Variants in AGTPBP1 observed in about 807,000 individuals in gnomAD.
AGTPBP1 encodes cytosolic carboxypeptidase 1.
Under a neutral mutation model 143.9 loss-of-function variants are expected in AGTPBP1, and 70 were observed. The ratio of observed to expected loss-of-function variants is 0.49; its 90% CI spans 0.40 to 0.59. The LOEUF (loss-of-function observed/expected upper bound fraction) is 0.59. AGTPBP1 is among the 20% of genes least tolerant of loss of function. The pLI is 0.00. For missense variants in AGTPBP1, 1,229 were observed against 1,464.5 expected (o/e 0.84, Z 2.62); for synonymous variants, 463 against 500.2 (o/e 0.93, Z 0.99).
chr9:85,627,518 AG>A (rs1831379495), intron 14 of AGTPBP1, among the ~76,000 whole-genome samples: 1 of 151,754 alleles, frequency 6.6e-6, no homozygotes, highest in Non-Finnish European at 1.5e-5. Flanking sequence ...GGGAGAGTGG[AG>A]GCTTTGGAGT....
chr9:85,776,752 T>C, the AGTPBP1 span, among the ~76,000 whole-genome samples: 1 of 152,116 alleles, frequency 6.6e-6, no homozygotes, highest in Non-Finnish European at 1.5e-5. Context: ...GTGTCTCCTG[T>C]TGGCAGTGTT....
At chr9:85,736,871 C>T (rs894139388) in intron 1 of AGTPBP1, among the ~76,000 whole-genome samples, 1 of 152,232 alleles carries the variant, frequency 6.6e-6, no homozygotes, top group Non-Finnish European at 1.5e-5. Flanking sequence ...CTTTGGGAGG[C>T]GGACACAGGC....
At chr9:85,799,554 T>C in the AGTPBP1 span, among the ~76,000 whole-genome samples, 16 of 152,294 alleles carry the variant, frequency 1.1e-4, no homozygotes, top group Non-Finnish European at 2.1e-4. Flanking sequence ...TCTCACTCTG[T>C]TAACCAGACT....
At chr9:85,764,779 T>TGTGCAGCTCCAGACCA in the AGTPBP1 span, 1 of 1,299,402 alleles carries the variant, frequency 7.7e-7, no homozygotes, top group Non-Finnish European at 1.1e-6. Context: ...CTGAAAAGAA[T>TGTGCAGCTCCAGACCA]GTGCAGCTCC....
At chr9:85,658,006 T>C (rs934652984) in intron 9 of AGTPBP1, among the ~76,000 whole-genome samples, 57 of 152,176 alleles carry the variant, frequency 3.7e-4, no homozygotes, top group Non-Finnish European at 7.4e-5. Context: ...TGTATAAGCT[T>C]TCTACTTGCT....
the AGTPBP1 span, among the ~76,000 whole-genome samples, chr9:85,747,318 C>A: frequency 6.6e-6 from 1 of 152,134 alleles, no homozygotes; most frequent in Non-Finnish European, 1.5e-5. Context: ...AGTTCTCCCA[C>A]CTTGCTCTTC....
rs370816240 is a variant in AGTPBP1 at position 85,696,043 on chromosome 9, C to T, written c.33-3230G>A. On this transcript the variant is annotated intron_variant, in intron 2 of 25. Coordinates refer to ENST00000357081, the MANE Select transcript of AGTPBP1 (RefSeq NM_001330701.2). ...TTTTAGTAGAGACGGGGTTTCACCA[C>T]GTTGGTCAGGCTGGTCTCGAACTTG... 1.6e-4 allele frequency among the ~76,000 whole-genome samples: 25 copies of T among 152,060 alleles called. 1 individual carries two copies. Among genetic ancestry groups the T allele is most frequent in the African/African-American group, 5.5e-4 (23 of 41,496 alleles).
At chr9:85,796,038 T>C in the AGTPBP1 span, among the ~76,000 whole-genome samples, 3 of 152,006 alleles carry the variant, frequency 2.0e-5, no homozygotes, top group Admixed American at 1.3e-4. Context: ...GTGTAAGGAA[T>C]GCATATGAGA....
At chr9:85,691,451 A>G (rs1026692933) in intron 3 of AGTPBP1, among the ~76,000 whole-genome samples, 2 of 152,030 alleles carry the variant, frequency 1.3e-5, no homozygotes, top group Admixed American at 6.6e-5. Context: ...TAATTATTAG[A>G]CCTTAATTCT....
At chr9:85,559,220 G>C (rs1005454099) in intron 25 of AGTPBP1, among the ~76,000 whole-genome samples, 4 of 152,106 alleles carry the variant, frequency 2.6e-5, no homozygotes, top group African/African-American at 9.7e-5. Context: ...ATGTAGTGTT[G>C]CATCAGATGG....
intron 1 of AGTPBP1, among the ~76,000 whole-genome samples, chr9:85,718,068 C>T (rs1036576291): frequency 1.6e-4 from 25 of 152,184 alleles, no homozygotes; most frequent in African/African-American, 5.8e-4. Flanking sequence ...TTTCTTAATC[C>T]AGTCTATCAC....
Position 85,618,665 on chromosome 9 carries a change from A to G in AGTPBP1, c.2335+318T>C, listed in dbSNP as rs999488766. On this transcript the variant is annotated intron_variant, in intron 17 of 25. Transcript: ENST00000357081. ...ATTCAAAAATCAATCAACATAATAT[A>G]CCATATTAACAGGCTAAAGAAGAAA... Among the ~76,000 whole-genome samples the G allele has an allele frequency of 2.0e-5, 3 of 152,196 alleles. No homozygotes were observed. In the South Asian group the frequency reaches 6.2e-4, roughly 32 times the overall value.
At chr9:85,751,788 G>A in the AGTPBP1 span, among the ~76,000 whole-genome samples, 101 of 151,812 alleles carry the variant, frequency 6.7e-4, no homozygotes, top group Non-Finnish European at 1.2e-3. Flanking sequence ...TGTATTTTTA[G>A]TAGAGACGGG....
intron 1 of AGTPBP1, among the ~76,000 whole-genome samples, chr9:85,713,273 G>C (rs1351007192): frequency 1.3e-5 from 2 of 152,228 alleles, no homozygotes; most frequent in Non-Finnish European, 2.9e-5. Flanking sequence ...GCTCATGCCT[G>C]TTATCCCAGC....
the AGTPBP1 span, among the ~76,000 whole-genome samples, chr9:85,762,322 A>G: frequency 5.9e-4 from 90 of 152,078 alleles, no homozygotes; most frequent in Admixed American, 5.2e-3. Context: ...ACATGCACAC[A>G]TATGTTTATT....
intron 14 of AGTPBP1, among the ~76,000 whole-genome samples, chr9:85,630,426 TC>T (rs1831589261): frequency 7.2e-6 from 1 of 139,814 alleles, no homozygotes; most frequent in Non-Finnish European, 1.5e-5. Context: ...TGAGACAGAG[TC>T]TTGCTCTGTC....
chr9:85,549,925 C>A (rs1212043009), intron 25 of AGTPBP1, among the ~76,000 whole-genome samples: 1 of 152,202 alleles, frequency 6.6e-6, no homozygotes, highest in Admixed American at 6.5e-5. Flanking sequence ...TGGAGCTGGT[C>A]CACTCCTCTG....
chr9:85,631,030 A>G (rs572697014), intron 14 of AGTPBP1, among the ~76,000 whole-genome samples: 2 of 152,054 alleles, frequency 1.3e-5, no homozygotes, highest in South Asian at 4.2e-4. Flanking sequence ...AAACAACCCT[A>G]CCTCTATTAG....
intron 11 of AGTPBP1, among the ~76,000 whole-genome samples, chr9:85,652,130 A>G (rs1473806049): frequency 1.3e-5 from 2 of 152,142 alleles, no homozygotes; most frequent in Non-Finnish European, 2.9e-5. Flanking sequence ...GGAGCTGGGG[A>G]CTGATTTTAT....
Sources: gnomAD v4.1 joint callset for allele counts (sites outside exome capture counted in the v4.1 genomes callset) on GRCh38, gnomAD v4.1.1 for gene constraint, MANE v1.5 for transcripts, NCBI Gene and HGNC (gene_info 2026-07-23, HGNC 2026-07-21) for gene names.